CLSTN2: variants seen among roughly 807,000 people sequenced by gnomAD.
CLSTN2 encodes calsyntenin-2.
In CLSTN2, 48 loss-of-function variants were observed where a neutral mutation model predicts 101.2. That is an observed-to-expected ratio of 0.47 (90% CI 0.38 to 0.60). The LOEUF is 0.60. Among genes scored for constraint, CLSTN2 ranks in the 20% least tolerant of loss-of-function variants. The probability of loss-of-function intolerance (pLI) is 0.00; values close to 1 mark genes in which losing one functional copy is unlikely to be tolerated. For synonymous variants in CLSTN2, 481 were observed against 463.6 expected (o/e 1.04, Z -0.48); for missense variants, 1,160 against 1,238.2 (o/e 0.94, Z 0.95).
intron 2 of CLSTN2, among the ~76,000 whole-genome samples, chr3:140,329,427 C>T (rs934068056): frequency 5.9e-5 from 9 of 152,096 alleles, no homozygotes; most frequent in African/African-American, 1.9e-4. Flanking sequence ...TTTGACTTTA[C>T]GACTTTGTGT....
chr3:140,186,822 G>A (rs1323169988), intron 2 of CLSTN2, among the ~76,000 whole-genome samples: 1 of 151,918 alleles, frequency 6.6e-6, no homozygotes, highest in Non-Finnish European at 1.5e-5. Context: ...AATACAATTT[G>A]TGTATTTTTT....
intron 1 of CLSTN2, among the ~76,000 whole-genome samples, chr3:140,025,990 C>T (rs1009538940): frequency 2.0e-5 from 3 of 152,060 alleles, no homozygotes; most frequent in African/African-American, 7.2e-5. Context: ...TGTTCCCTTC[C>T]CTCCTGACAG....
chr3:140,532,056 T>C (rs962064425), intron 8 of CLSTN2, among the ~76,000 whole-genome samples: 1 of 152,152 alleles, frequency 6.6e-6, no homozygotes, highest in African/African-American at 2.4e-5. Context: ...CCTCCCCAGG[T>C]GCACCATGGT....
chr3:140,355,487 T>A (rs2087660454), intron 2 of CLSTN2, among the ~76,000 whole-genome samples: 1 of 152,110 alleles, frequency 6.6e-6, no homozygotes, highest in Non-Finnish European at 1.5e-5. Flanking sequence ...AATACGTCAG[T>A]AGGTGGAGGG....
intron 1 of CLSTN2, among the ~76,000 whole-genome samples, chr3:140,146,233 A>AAGTTATAT (rs1177047434): frequency 6.6e-6 from 1 of 152,252 alleles, no homozygotes; most frequent in Non-Finnish European, 1.5e-5. Flanking sequence ...CTAAGCATAT[A>AAGTTATAT]ATAACTTATA....
intron 2 of CLSTN2, among the ~76,000 whole-genome samples, chr3:140,220,032 T>C (rs2086252831): frequency 6.6e-6 from 1 of 152,204 alleles, no homozygotes; most frequent in Non-Finnish European, 1.5e-5. Context: ...CAACCATAAA[T>C]GGCAGAGCCT....
intron 1 of CLSTN2, among the ~76,000 whole-genome samples, chr3:140,070,478 A>G (rs1469875395): frequency 6.6e-6 from 1 of 152,228 alleles, no homozygotes; most frequent in Non-Finnish European, 1.5e-5. Flanking sequence ...AAACAAATAG[A>G]AAAACAGACA....
intron 15 of CLSTN2, among the ~76,000 whole-genome samples, chr3:140,563,705 T>G (rs1257656562): frequency 6.6e-6 from 1 of 152,218 alleles, no homozygotes; most frequent in Admixed American, 6.5e-5. Flanking sequence ...AATGAACACC[T>G]ATACTGTGCC....
At chr3:140,024,553 C>T (rs1437712855) in intron 1 of CLSTN2, among the ~76,000 whole-genome samples, 2 of 152,216 alleles carry the variant, frequency 1.3e-5, no homozygotes, top group Non-Finnish European at 2.9e-5. Context: ...TTGGTGTCAG[C>T]TAGTCGCAAA....
chr3:140,175,844 T>A, intron 1 of CLSTN2, 107 bp from the exon 2 acceptor site: 1 of 1,084,250 alleles, frequency 9.2e-7, no homozygotes. Flanking sequence ...CATGGGATTG[T>A]TGGATGAGAG....
intron 1 of CLSTN2, among the ~76,000 whole-genome samples, chr3:140,039,247 T>C (rs538373106): frequency 1.3e-5 from 2 of 152,354 alleles, no homozygotes; most frequent in African/African-American, 4.8e-5. Flanking sequence ...TGATTATTAC[T>C]TTAAAATAAA....
At chr3:140,521,977 CTG>C (rs1340504091) in intron 8 of CLSTN2, among the ~76,000 whole-genome samples, 1 of 152,200 alleles carries the variant, frequency 6.6e-6, no homozygotes, top group African/African-American at 2.4e-5. Context: ...AACTGGGTCT[CTG>C]TGTTTGCCTG....
intron 1 of CLSTN2, among the ~76,000 whole-genome samples, chr3:139,959,323 G>C (rs1935462957): frequency 6.6e-6 from 1 of 152,098 alleles, no homozygotes. Flanking sequence ...TCCATCACTT[G>C]GGTAACTGAT....
intron 2 of CLSTN2, among the ~76,000 whole-genome samples, chr3:140,297,211 C>A (rs944054814): frequency 6.6e-6 from 1 of 152,200 alleles, no homozygotes; most frequent in East Asian, 1.9e-4. Flanking sequence ...AGTCAGCCTC[C>A]GTCCTTGAAC....
chr3:140,164,915 A>T (rs1377215647), intron 1 of CLSTN2, among the ~76,000 whole-genome samples: 2 of 152,104 alleles, frequency 1.3e-5, no homozygotes, highest in African/African-American at 4.8e-5. Flanking sequence ...GGCTAGGTAG[A>T]TGGGTGGATA....
chr3:140,371,722 T>G (rs1344204438), intron 2 of CLSTN2, among the ~76,000 whole-genome samples: 3 of 152,200 alleles, frequency 2.0e-5, no homozygotes, highest in African/African-American at 7.2e-5. Flanking sequence ...ACACAAGCAT[T>G]AATTTCTTGG....
chr3:140,158,068 G>A (rs2009984540), intron 1 of CLSTN2, among the ~76,000 whole-genome samples: 1 of 151,988 alleles, frequency 6.6e-6, no homozygotes. Context: ...AAACAATAAG[G>A]GCCGTCTATG....
chr3:140,297,203 T>C (rs2107907274), intron 2 of CLSTN2, among the ~76,000 whole-genome samples: 1 of 152,356 alleles, frequency 6.6e-6, no homozygotes, highest in South Asian at 2.1e-4. Flanking sequence ...GTTTATTCAG[T>C]CAGCCTCCGT....
At chr3:140,194,195 G>A (rs1024078443) in intron 2 of CLSTN2, among the ~76,000 whole-genome samples, 1 of 152,096 alleles carries the variant, frequency 6.6e-6, no homozygotes, top group African/African-American at 2.4e-5. Context: ...TGTAGTTCTG[G>A]AGTTTGAGAA....
Sources: allele counts gnomAD v4.1 joint callset (sites outside exome capture counted in the v4.1 genomes callset), GRCh38; gene constraint gnomAD v4.1.1; transcripts MANE v1.5; gene names NCBI Gene and HGNC (gene_info 2026-07-23, HGNC 2026-07-21).